KCNQ5: variants seen among roughly 807,000 people sequenced by gnomAD.
KCNQ5 encodes the protein potassium voltage-gated channel subfamily KQT member 5.
KCNQ5 carries 30 observed loss-of-function variants against 98.2 expected under a neutral mutation model. The ratio of observed to expected loss-of-function variants is 0.31; its 90% CI spans 0.23 to 0.41. KCNQ5 has a LOEUF of 0.41. Ranked by LOEUF, KCNQ5 falls within the 10% of genes least tolerant of loss-of-function variation. The pLI is 1.00. For synonymous variants in KCNQ5, 458 were observed against 449.4 expected (o/e 1.02, Z -0.24); for missense variants, 835 against 1,182.5 (o/e 0.71, Z 4.31).
chr6:73,157,785 T>C, intron 10 of KCNQ5: 1 of 779,006 alleles, frequency 1.3e-6, no homozygotes. Flanking sequence ...TGGTGGGATT[T>C]GGAGTTGCCA....
chr6:72,875,779 GAAT>G (rs1412071608), intron 1 of KCNQ5, among the ~76,000 whole-genome samples: 5 of 151,784 alleles, frequency 3.3e-5, no homozygotes, highest in Non-Finnish European at 5.9e-5. Context: ...AACATATAAT[GAAT>G]AATATTATCA....
chr6:72,916,608 A>G (rs979986273), intron 1 of KCNQ5, among the ~76,000 whole-genome samples: 8 of 152,222 alleles, frequency 5.3e-5, no homozygotes, highest in African/African-American at 1.4e-4. Flanking sequence ...CTTAGCAGTA[A>G]AACCTTCTCA....
chr6:72,822,368 G>A (rs1217644172), intron 1 of KCNQ5, among the ~76,000 whole-genome samples: 1 of 152,190 alleles, frequency 6.6e-6, no homozygotes, highest in Non-Finnish European at 1.5e-5. Context: ...GACACTTAGG[G>A]ATTTACTAAC....
At chr6:72,643,314 A>T (rs1765422714) in intron 1 of KCNQ5, among the ~76,000 whole-genome samples, 1 of 152,156 alleles carries the variant, frequency 6.6e-6, no homozygotes, top group Non-Finnish European at 1.5e-5. Context: ...ACAAACACAG[A>T]GCATTTTCCA....
chr6:72,956,755 A>G (rs1168744476), intron 1 of KCNQ5, among the ~76,000 whole-genome samples: 1 of 151,888 alleles, frequency 6.6e-6, no homozygotes, highest in African/African-American at 2.4e-5. Flanking sequence ...TATGTATTCA[A>G]CAGATTAAAA....
chr6:72,622,303 T>C lies in KCNQ5; in HGVS notation c.114T>C (p.Asp38=). ...GGGRLGSGMK[D]VESGRGRVLL... ...GGCGCTTGGGCAGCGGCATGAAGGA[T>C]GTGGAGTCCGGCCGGGGCAGGGTGC... is the stretch of plus-strand genomic sequence containing the variant. The change falls in exon 1 of 14, where the codon GAT becomes GAC. Residue 38 remains aspartate (D), a synonymous_variant. Transcript: ENST00000370398. The surrounding 1 kb of genome is among the most constrained non-coding windows in gnomAD (Gnocchi z 6.0). 7.4e-7 allele frequency: 1 copy of C among 1,357,854 alleles called. No homozygotes were observed. Among genetic ancestry groups the C allele is most frequent in the South Asian group, 1.8e-5 (1 of 54,482 alleles). The allele number at this position is 1,357,854 out of a possible 1,614,324, so 84.1% of individuals were successfully genotyped here. A position where few individuals can be genotyped will look rare whatever the true frequency, so the allele number is the denominator to read the frequency against.
intron 12 of KCNQ5, among the ~76,000 whole-genome samples, chr6:73,191,871 A>G (rs561734838): frequency 2.4e-4 from 36 of 152,324 alleles, no homozygotes; most frequent in African/African-American, 7.5e-4. Flanking sequence ...TGATAATTCA[A>G]TTCTAAACAC....
chr6:72,800,496 T>A (rs1276233575), intron 1 of KCNQ5, among the ~76,000 whole-genome samples: 1 of 152,304 alleles, frequency 6.6e-6, no homozygotes, highest in East Asian at 1.9e-4. Context: ...TTTTATTGCA[T>A]CTATTTGATT....
chr6:72,959,577 T>G (rs1767239923), intron 1 of KCNQ5, among the ~76,000 whole-genome samples: 2 of 152,204 alleles, frequency 1.3e-5, no homozygotes. Context: ...ATATCTGAGT[T>G]GAAAGAGTAG....
intron 1 of KCNQ5, among the ~76,000 whole-genome samples, chr6:72,707,066 A>G (rs1769127840): frequency 1.1e-4 from 16 of 152,226 alleles, no homozygotes; most frequent in Admixed American, 1.0e-3. Flanking sequence ...GTATATGTGT[A>G]TACCCATTTA....
chr6:73,059,268 T>C (rs1393754852), intron 3 of KCNQ5, among the ~76,000 whole-genome samples: 5 of 152,178 alleles, frequency 3.3e-5, no homozygotes, highest in Admixed American at 1.3e-4. Context: ...TGCAACAACA[T>C]GGATGAGGCT....
intron 2 of KCNQ5, among the ~76,000 whole-genome samples, chr6:73,039,463 T>C (rs1428988691): frequency 1.3e-5 from 2 of 152,176 alleles, no homozygotes; most frequent in Non-Finnish European, 2.9e-5. Flanking sequence ...TTTAGTGCTA[T>C]AAATTTTCCT....
rs551530772 is a variant in KCNQ5 at position 73,011,280 on chromosome 6, A to G, written c.489+7282A>G. Among the ~76,000 whole-genome samples the G allele has an allele frequency of 3.9e-5, 6 of 152,246 alleles. No homozygotes were observed. The South Asian group carries it at 8.3e-4, about 21-fold the overall frequency. On this transcript the variant is annotated intron_variant, in intron 2 of 13. Transcript: ENST00000370398. ...TTAAGCTGTAAATTTTATGTTATAT[A>G]TAGGCATAAAGACCAACATTTAGAC... is the stretch of plus-strand genomic sequence containing the variant.
chr6:72,699,290 G>A (rs1768675661), intron 1 of KCNQ5, among the ~76,000 whole-genome samples: 1 of 152,218 alleles, frequency 6.6e-6, no homozygotes, highest in African/African-American at 2.4e-5. Flanking sequence ...TTTGTGGTAT[G>A]AAATACTGTT....
chr6:72,938,684 A>C (rs1193457096), intron 1 of KCNQ5, among the ~76,000 whole-genome samples: 1 of 152,166 alleles, frequency 6.6e-6, no homozygotes, highest in African/African-American at 2.4e-5. Context: ...CACGCCCAGC[A>C]AATTGTACAT....
At chr6:73,167,062 T>G in intron 10 of KCNQ5, among the ~76,000 whole-genome samples, 1 of 152,142 alleles carries the variant, frequency 6.6e-6, no homozygotes, top group Non-Finnish European at 1.5e-5. Flanking sequence ...CAGGTTACAA[T>G]AAAATCAGAG....
At chr6:73,118,902 T>A (rs1413179073) in intron 7 of KCNQ5, among the ~76,000 whole-genome samples, 2 of 152,110 alleles carry the variant, frequency 1.3e-5, no homozygotes, top group African/African-American at 4.8e-5. Context: ...GTGCCTGTAG[T>A]CCCAGCTACT....
intron 10 of KCNQ5, chr6:73,135,906 T>G (rs1776449216): frequency 6.6e-6 from 1 of 152,186 alleles, no homozygotes; most frequent in African/African-American, 2.4e-5. Flanking sequence ...CATGTGCAAA[T>G]TTCCTCTACT....
chr6:73,120,557 G>A lies in KCNQ5; in HGVS notation c.1200G>A (p.Leu400=). Residue 400 remains leucine, a synonymous_variant, in exon 8 of 14, where the codon TTG becomes TTA. Coordinates refer to ENST00000370398, the MANE Select transcript of KCNQ5 (RefSeq NM_019842.4). The part of the protein sequence containing the change: ...IATWKPHLKA[L]HTCSPTKKEQ... ...CCTGGAAGCCACACTTGAAGGCCTTGCACACCTGCAGCCCTACCAAGTAGG... is the reference window on the plus strand; with the variant it reads ...CCTGGAAGCCACACTTGAAGGCCTTACACACCTGCAGCCCTACCAAGTAGG... The A allele has an allele frequency of 1.2e-6, 2 of 1,611,202 alleles. No individual in the cohort carries two copies. Among genetic ancestry groups the A allele is most frequent in the Admixed American group, 1.7e-5 (1 of 59,914 alleles).
Sources: gnomAD v4.1 joint callset for allele counts (sites outside exome capture counted in the v4.1 genomes callset) on GRCh38, gnomAD v4.1.1 for gene constraint, Gnocchi (gnomAD v3.1) non-coding constraint, MANE v1.5 for transcripts, NCBI Gene and HGNC (gene_info 2026-07-23, HGNC 2026-07-21) for gene names.